Variants in PPARGC1A observed in about 807,000 individuals in gnomAD.
PPARGC1A encodes peroxisome proliferator-activated receptor gamma coactivator 1-alpha.
A neutral mutation model predicts 88.7 loss-of-function variants in PPARGC1A; 25 were observed. That is an observed-to-expected ratio of 0.28 (90% CI 0.21 to 0.39). The LOEUF (loss-of-function observed/expected upper bound fraction) is 0.39, where lower values mean the gene tolerates loss of function less well. Among genes scored for constraint, PPARGC1A ranks in the 10% least tolerant of loss-of-function variants. The pLI, the probability that PPARGC1A is intolerant of heterozygous loss-of-function variation, is 1.00. For missense variants in PPARGC1A, 880 were observed against 968.7 expected (o/e 0.91, Z 1.22); for synonymous variants, 363 against 355.6 (o/e 1.02, Z -0.24).
chr4:23,920,349 A>T, the PPARGC1A span, among the ~76,000 whole-genome samples: 5 of 152,234 alleles, frequency 3.3e-5, no homozygotes, highest in African/African-American at 1.2e-4. Context: ...CTACAACTTG[A>T]TCTATCTAAT....
At chr4:24,098,509 T>C in the PPARGC1A span, among the ~76,000 whole-genome samples, 25 of 152,222 alleles carry the variant, frequency 1.6e-4, no homozygotes, top group Non-Finnish European at 3.2e-4. Flanking sequence ...GAAGGACTTT[T>C]TCTTAACCTA....
At chr4:24,048,680 C>A in the PPARGC1A span, among the ~76,000 whole-genome samples, 2 of 152,146 alleles carry the variant, frequency 1.3e-5, no homozygotes, top group African/African-American at 4.8e-5. Context: ...ACTGTCTCTA[C>A]CCAACCTGAG....
At chr4:24,244,197 C>G in the PPARGC1A span, among the ~76,000 whole-genome samples, 5 of 151,984 alleles carry the variant, frequency 3.3e-5, no homozygotes, top group East Asian at 1.9e-4. Context: ...ATAAGAATGA[C>G]CAGGGGTAGA....
the PPARGC1A span, among the ~76,000 whole-genome samples, chr4:23,915,049 T>A: frequency 6.6e-6 from 1 of 152,180 alleles, no homozygotes; most frequent in African/African-American, 2.4e-5. Context: ...CCAAGGAAGT[T>A]CCATAAAACT....
At chr4:24,312,501 G>C in the PPARGC1A span, among the ~76,000 whole-genome samples, 1 of 151,702 alleles carries the variant, frequency 6.6e-6, no homozygotes, top group Non-Finnish European at 1.5e-5. Context: ...CAACAAAGAA[G>C]ACAGAGAAAC....
the PPARGC1A span, among the ~76,000 whole-genome samples, chr4:24,245,962 T>TACACACAC: frequency 7.3e-5 from 9 of 123,886 alleles, no homozygotes; most frequent in African/African-American, 2.4e-4. Context: ...CACACACACT[T>TACACACAC]ATGCTTGGTC....
chr4:23,939,012 G>C, the PPARGC1A span, among the ~76,000 whole-genome samples: 1 of 152,276 alleles, frequency 6.6e-6, no homozygotes, highest in African/African-American at 2.4e-5. Flanking sequence ...GGGCTGGATG[G>C]GGTCCATGGT....
the PPARGC1A span, among the ~76,000 whole-genome samples, chr4:24,231,313 C>T: frequency 6.6e-6 from 1 of 152,212 alleles, no homozygotes; most frequent in African/African-American, 2.4e-5. Flanking sequence ...AAAACCTCAG[C>T]TCTGGGCTCA....
chr4:23,927,583 G>A, the PPARGC1A span, among the ~76,000 whole-genome samples: 4 of 152,118 alleles, frequency 2.6e-5, no homozygotes, highest in African/African-American at 9.7e-5. Flanking sequence ...AATCCCTCCT[G>A]AGCACCTGTT....
the PPARGC1A span, among the ~76,000 whole-genome samples, chr4:24,230,453 A>T: frequency 3.3e-5 from 5 of 151,946 alleles, no homozygotes; most frequent in African/African-American, 1.2e-4. Context: ...GGAAGAGAGC[A>T]CAAGAGATGT....
the PPARGC1A span, among the ~76,000 whole-genome samples, chr4:24,239,059 A>G: frequency 2.6e-5 from 4 of 152,152 alleles, no homozygotes; most frequent in Non-Finnish European, 5.9e-5. Context: ...CACAACTATT[A>G]GTATAATAAG....
At chr4:23,853,080 AT>A (rs1033493008) in intron 2 of PPARGC1A, among the ~76,000 whole-genome samples, 2 of 152,198 alleles carry the variant, frequency 1.3e-5, no homozygotes, top group South Asian at 2.1e-4. Context: ...TTGTAAAAGA[AT>A]TTTTTTAATT....
chr4:24,378,277 C>G, the PPARGC1A span, among the ~76,000 whole-genome samples: 1 of 152,120 alleles, frequency 6.6e-6, no homozygotes, highest in African/African-American at 2.4e-5. Flanking sequence ...GCAGAGGCTA[C>G]AGTGAGCAGA....
At chr4:24,190,077 G>A in the PPARGC1A span, among the ~76,000 whole-genome samples, 3 of 152,094 alleles carry the variant, frequency 2.0e-5, no homozygotes, top group Non-Finnish European at 4.4e-5. Context: ...AATGTCTAGG[G>A]TTTCAGAAGA....
chr4:23,926,643 T>A, the PPARGC1A span, among the ~76,000 whole-genome samples: 1 of 152,340 alleles, frequency 6.6e-6, no homozygotes, highest in African/African-American at 2.4e-5. Context: ...CCTTTTATCA[T>A]GCTTTTGCTC....
At chr4:23,848,101 T>C (rs1728636780) in intron 2 of PPARGC1A, among the ~76,000 whole-genome samples, 1 of 152,154 alleles carries the variant, frequency 6.6e-6, no homozygotes, top group African/African-American at 2.4e-5. Flanking sequence ...AGTTGTCCCA[T>C]AAGGTTACAG....
At chr4:24,115,791 C>T in the PPARGC1A span, among the ~76,000 whole-genome samples, 1 of 152,132 alleles carries the variant, frequency 6.6e-6, no homozygotes, top group Non-Finnish European at 1.5e-5. Flanking sequence ...AGCTCAGCCT[C>T]CCTTTGGTCT....
the PPARGC1A span, among the ~76,000 whole-genome samples, chr4:24,358,252 T>C: frequency 6.6e-6 from 1 of 152,218 alleles, no homozygotes; most frequent in Non-Finnish European, 1.5e-5. Context: ...GTATAACAAA[T>C]AGTGCTTGCA....
intron 2 of PPARGC1A, among the ~76,000 whole-genome samples, chr4:23,872,197 C>A (rs1258557054): frequency 6.6e-6 from 1 of 152,108 alleles, no homozygotes; most frequent in Non-Finnish European, 1.5e-5. Flanking sequence ...CCAAACAGTT[C>A]TCATCCATAG....
Sources: allele counts gnomAD v4.1 joint callset (sites outside exome capture counted in the v4.1 genomes callset), GRCh38; gene constraint gnomAD v4.1.1; transcripts MANE v1.5; gene names NCBI Gene and HGNC (gene_info 2026-07-23, HGNC 2026-07-21).